Variants in OLAH observed in about 807,000 individuals in gnomAD.
OLAH encodes S-acyl fatty acid synthase thioesterase, medium chain.
In OLAH, 33 loss-of-function variants were observed where a neutral mutation model predicts 27.8. The ratio of observed to expected loss-of-function variants is 1.19; its 90% CI spans 0.90 to 1.59. The LOEUF is 1.59. Ranked by LOEUF, OLAH falls within the 40% of genes most tolerant of loss-of-function variation. The pLI is 0.00. For missense variants in OLAH, 359 were observed against 310.8 expected, an observed-to-expected ratio of 1.16 and a Z score of -1.17; for synonymous variants, 120 against 102.9, an observed-to-expected ratio of 1.17 and a Z score of -1.01.
At chr10:15,036,110 T>G (rs567959610) in intron 1 of OLAH, among the ~76,000 whole-genome samples, 2 of 152,338 alleles carry the variant, frequency 1.3e-5, no homozygotes, top group East Asian at 3.9e-4. Flanking sequence ...GCTGATTAAC[T>G]GTACGTTTAA....
At chr10:15,059,326 A>G (rs1589247993) in intron 3 of OLAH, among the ~76,000 whole-genome samples, 2 of 150,038 alleles carry the variant, frequency 1.3e-5, no homozygotes, top group East Asian at 4.0e-4. Context: ...AGCTGGGACT[A>G]CAGATGTGCA....
At chr10:15,056,540 A>T (rs1026671468) in intron 3 of OLAH, among the ~76,000 whole-genome samples, 4 of 152,078 alleles carry the variant, frequency 2.6e-5, no homozygotes, top group East Asian at 1.9e-4. Context: ...AAGATTAGAC[A>T]TTTTTTTCAC....
At chr10:15,057,949 T>C (rs769695843) in intron 3 of OLAH, among the ~76,000 whole-genome samples, 12 of 152,226 alleles carry the variant, frequency 7.9e-5, no homozygotes, top group Non-Finnish European at 1.6e-4. Flanking sequence ...TCCAGTAGCA[T>C]AAGTTCTCCA....
chr10:15,035,104 G>C (rs957721860), intron 1 of OLAH, among the ~76,000 whole-genome samples: 1 of 152,008 alleles, frequency 6.6e-6, no homozygotes, highest in Non-Finnish European at 1.5e-5. Context: ...GGCTGGGGTT[G>C]TTCATTGAAC....
intron 3 of OLAH, among the ~76,000 whole-genome samples, chr10:15,060,146 G>A (rs949343222): frequency 6.6e-6 from 1 of 151,758 alleles, no homozygotes; most frequent in African/African-American, 2.4e-5. Flanking sequence ...CATTTATTTT[G>A]TCATGTTCTT....
At chr10:15,052,922 G>A (rs1844175062) in intron 3 of OLAH, among the ~76,000 whole-genome samples, 1 of 151,618 alleles carries the variant, frequency 6.6e-6, no homozygotes, top group African/African-American at 2.4e-5. Context: ...TTGTATTTTA[G>A]TAGAGACGGG....
At chr10:15,064,336 G>T in intron 4 of OLAH, 67 bp from the exon 5 acceptor site, 3 of 868,668 alleles carry the variant, frequency 3.5e-6, no homozygotes, top group South Asian at 1.5e-5. Flanking sequence ...TGTTCCTTTT[G>T]ACTTTCGGTG....
At chr10:15,070,021 A>G (rs781099749) in intron 6 of OLAH, among the ~76,000 whole-genome samples, 3 of 151,748 alleles carry the variant, frequency 2.0e-5, no homozygotes, top group Non-Finnish European at 4.4e-5. Flanking sequence ...GTGCCATCTG[A>G]CCCTGTCTAC....
intron 6 of OLAH, among the ~76,000 whole-genome samples, chr10:15,070,948 G>T (rs1353028135): frequency 6.6e-6 from 1 of 151,824 alleles, no homozygotes; most frequent in Non-Finnish European, 1.5e-5. Context: ...ACCACACCTG[G>T]CTAATTTTTT....
chr10:15,058,943 C>T (rs7082153), intron 3 of OLAH, among the ~76,000 whole-genome samples: 235 of 102,330 alleles, frequency 2.3e-3, no homozygotes, highest in Admixed American at 3.8e-3. Context: ...TCCCTCTCTC[C>T]TTCCCTTCCC....
At chr10:15,051,876 T>A (rs1233507214) in intron 3 of OLAH, among the ~76,000 whole-genome samples, 4 of 152,214 alleles carry the variant, frequency 2.6e-5, no homozygotes, top group African/African-American at 9.6e-5. Context: ...ATTTGTGGGA[T>A]ATACAGTGCT....
rs1330158756 is a variant in OLAH, at chr10:15,073,759, T to C, written c.*530T>C. ...ATGGGAAGTTTGTCGACAAAATTCA[T>C]GATTAGTAAATTATCCATTTTTTCC... On this transcript the variant is annotated 3_prime_UTR_variant, in exon 8 of 8. Transcript: ENST00000378228. 1 of 152,142 alleles carries C rather than the reference T, an allele frequency of 6.6e-6. No individual in the cohort carries two copies. The highest frequency in any genetic ancestry group is 1.9e-4 in the East Asian group (1 of 5,200). The allele number at this position is 152,142 out of a possible 1,614,324, so 9.4% of individuals were successfully genotyped here.
upstream of OLAH, among the ~76,000 whole-genome samples, chr10:15,042,098 C>T (rs1377054282): frequency 6.6e-6 from 1 of 151,994 alleles, no homozygotes; most frequent in Admixed American, 6.6e-5. Flanking sequence ...AGAGTATGCA[C>T]AACTCCCAAC....
chr10:15,046,918 T>TATATAC (rs1844029160), intron 1 of OLAH, among the ~76,000 whole-genome samples: 1 of 152,212 alleles, frequency 6.6e-6, no homozygotes. Context: ...TGTCTGTCTG[T>TATATAC]ATATACGTGA....
upstream of OLAH, among the ~76,000 whole-genome samples, chr10:15,040,798 C>A (rs1029471117): frequency 1.3e-5 from 2 of 152,174 alleles, no homozygotes; most frequent in African/African-American, 4.8e-5. Flanking sequence ...AGCTTACTGT[C>A]TAGCAGTACA....
chr10:15,039,512 G>C (rs1404915730), upstream of OLAH, among the ~76,000 whole-genome samples: 1 of 152,186 alleles, frequency 6.6e-6, no homozygotes, highest in Non-Finnish European at 1.5e-5. Flanking sequence ...GGGAGGCGGA[G>C]GTTGCAGTGA....
intron 1 of OLAH, among the ~76,000 whole-genome samples, chr10:15,035,107 C>T (rs1287050568): frequency 1.3e-5 from 2 of 151,918 alleles, no homozygotes; most frequent in African/African-American, 2.4e-5. Flanking sequence ...TGGGGTTGTT[C>T]ATTGAACTCC....
At chr10:15,053,372 C>G (rs1844182866) in intron 3 of OLAH, among the ~76,000 whole-genome samples, 1 of 152,140 alleles carries the variant, frequency 6.6e-6, no homozygotes, top group African/African-American at 2.4e-5. Context: ...AGAAACTGGT[C>G]AAGTGGATTC....
At chr10:15,043,297 T>C (rs184048312), upstream of OLAH, among the ~76,000 whole-genome samples, 2 of 152,150 alleles carry the variant, frequency 1.3e-5, no homozygotes, top group East Asian at 3.9e-4. Flanking sequence ...TCTTAATAGG[T>C]ATTGAAAGCT....
Sources: gnomAD v4.1 joint callset for allele counts (sites outside exome capture counted in the v4.1 genomes callset) on GRCh38, gnomAD v4.1.1 for gene constraint, MANE v1.5 for transcripts, NCBI Gene and HGNC (gene_info 2026-07-23, HGNC 2026-07-21) for gene names.